NALCN: variants seen among roughly 807,000 people sequenced by gnomAD.
The protein encoded by NALCN is sodium leak channel NALCN.
In NALCN, 111 loss-of-function variants were observed where a neutral mutation model predicts 225.3. The ratio of observed to expected loss-of-function variants is 0.49; its 90% CI spans 0.42 to 0.58. The LOEUF (loss-of-function observed/expected upper bound fraction) is 0.58. NALCN is among the 20% of genes least tolerant of loss of function. NALCN has a pLI of 0.00. For synonymous variants in NALCN, 764 were observed against 769.0 expected (o/e 0.99, Z 0.11); for missense variants, 1,378 against 2,202.4 (o/e 0.63, Z 7.49).
At chr13:101,058,423 G>GTTTTTTTAT in intron 42 of NALCN, 2 of 190,528 alleles carry the variant, frequency 1.0e-5, no homozygotes, top group Non-Finnish European at 2.2e-5. Flanking sequence ...GGGCTGGGCG[G>GTTTTTTTAT]GGGCAGTCTA....
intron 34 of NALCN, among the ~76,000 whole-genome samples, chr13:101,077,286 T>TG (rs960488381): frequency 3.3e-5 from 5 of 152,030 alleles, no homozygotes; most frequent in South Asian, 4.2e-4. Context: ...GTACTTAGAG[T>TG]GGGGGGCTAC....
At chr13:101,295,120 C>G (rs1392504714) in intron 7 of NALCN, among the ~76,000 whole-genome samples, 1 of 152,124 alleles carries the variant, frequency 6.6e-6, no homozygotes, top group African/African-American at 2.4e-5. Flanking sequence ...TTATAAGTTT[C>G]TTAAAAGTTG....
chr13:101,414,742 A>T (rs1212133711), intron 1 of NALCN, among the ~76,000 whole-genome samples: 1 of 152,220 alleles, frequency 6.6e-6, no homozygotes, highest in East Asian at 1.9e-4. Flanking sequence ...ATAAGTGTAC[A>T]ACCACTATTT....
intron 41 of NALCN, among the ~76,000 whole-genome samples, chr13:101,060,638 C>CT (rs1208492226): frequency 6.6e-6 from 1 of 151,938 alleles, no homozygotes; most frequent in Non-Finnish European, 1.5e-5. Flanking sequence ...TTTTTCTCCT[C>CT]TTATTTTATT....
chr13:101,168,895 ACT>A (rs757271234), intron 15 of NALCN, among the ~76,000 whole-genome samples: 2 of 152,034 alleles, frequency 1.3e-5, no homozygotes, highest in Non-Finnish European at 2.9e-5. Context: ...CCTAAAAAAG[ACT>A]CTGCAGTTCC....
In NALCN at chr13:101,378,550, T is replaced by C. The variant is rs942556185; in HGVS notation, c.375+20A>G. ...CATTTTGGAGAATACCTGCTTGTAA[T>C]TTAAAAAATATTTAATTACCTGTAG... On this transcript the variant is annotated intron_variant, in intron 4 of 43. Coordinates refer to ENST00000251127, the MANE Select transcript of NALCN (RefSeq NM_052867.4). The C allele has an allele frequency of 6.3e-7, 1 of 1,580,498 alleles. No individual in the cohort carries two copies. Among genetic ancestry groups the C allele is most frequent in the African/African-American group, 1.4e-5 (1 of 73,874 alleles).
upstream of NALCN, among the ~76,000 whole-genome samples, chr13:101,417,053 G>C (rs1488828750): frequency 6.6e-6 from 1 of 151,956 alleles, no homozygotes; most frequent in South Asian, 2.1e-4. Context: ...ATATGTTGTC[G>C]TGTGGATGAG....
intron 15 of NALCN, among the ~76,000 whole-genome samples, chr13:101,167,089 C>A (rs1163106078): frequency 1.3e-5 from 2 of 152,096 alleles, no homozygotes; most frequent in African/African-American, 4.8e-5. Context: ...TGCCTTTATG[C>A]CAGTATCACA....
At chr13:101,398,024 G>T (rs1291534318) in intron 2 of NALCN, among the ~76,000 whole-genome samples, 8 of 152,128 alleles carry the variant, frequency 5.3e-5, no homozygotes, top group Non-Finnish European at 7.3e-5. Flanking sequence ...GGAGTAGGAG[G>T]CTGCTGATGG....
intron 12 of NALCN, among the ~76,000 whole-genome samples, chr13:101,230,996 GC>G (rs2041324773): frequency 6.6e-6 from 1 of 151,976 alleles, no homozygotes; most frequent in Non-Finnish European, 1.5e-5. Context: ...TGTGACAATT[GC>G]CTACAGTATT....
In NALCN at chr13:101,124,662, C is replaced by G; in HGVS notation, c.2138G>C (p.Ser713Thr). 6.2e-7 allele frequency: 1 copy of G among 1,613,954 alleles called. No individual in the cohort carries two copies. Among genetic ancestry groups the G allele is most frequent in the Non-Finnish European group, 8.5e-7 (1 of 1,179,976 alleles). ...TTCCAGAAGGTTCCTTGCCCTGATG[C>G]TGAAAACAGACTTGCGAAGCTGAAA... is the stretch of plus-strand genomic sequence containing the variant. ...IDQKLRKSVF[S>T]IRARNLLEKE... Residue 713 changes from serine to threonine, a missense_variant, in exon 18 of 44, where the codon AGC becomes ACC. Around this residue, in one of 19 missense-constraint regions of NALCN, gnomAD observed 100 missense variants for 89.4 expected, o/e 1.12. Coordinates refer to ENST00000251127, the MANE Select transcript of NALCN (RefSeq NM_052867.4).
intron 11 of NALCN, among the ~76,000 whole-genome samples, chr13:101,240,785 T>C (rs1268967111): frequency 6.6e-6 from 1 of 152,192 alleles, no homozygotes; most frequent in Non-Finnish European, 1.5e-5. Context: ...TCAAAGGATT[T>C]AACCTTTAAT....
At chr13:101,339,073 C>G (rs906153833) in intron 7 of NALCN, among the ~76,000 whole-genome samples, 33 of 152,130 alleles carry the variant, frequency 2.2e-4, no homozygotes, top group Non-Finnish European at 3.7e-4. Context: ...GCTTTTATGT[C>G]TCATATGTTT....
chr13:101,193,677 C>A (rs2039775314), intron 13 of NALCN, among the ~76,000 whole-genome samples: 1 of 152,176 alleles, frequency 6.6e-6, no homozygotes, highest in African/African-American at 2.4e-5. Context: ...CAGCCACTCT[C>A]TGCAAAAATT....
chr13:101,064,173 T>C (rs2032181216), intron 40 of NALCN, among the ~76,000 whole-genome samples: 1 of 152,180 alleles, frequency 6.6e-6, no homozygotes, highest in South Asian at 2.1e-4. Flanking sequence ...CATCTGAAAA[T>C]ATCTATGATT....
At chr13:101,210,990 C>A (rs994138420) in intron 13 of NALCN, among the ~76,000 whole-genome samples, 2 of 152,006 alleles carry the variant, frequency 1.3e-5, no homozygotes, top group African/African-American at 4.8e-5. Context: ...TTTTGTTGTT[C>A]AAAATTCCAC....
chr13:101,082,354 A>G (rs1170431006), intron 33 of NALCN, among the ~76,000 whole-genome samples: 1 of 152,180 alleles, frequency 6.6e-6, no homozygotes, highest in African/African-American at 2.4e-5. Context: ...TCCTTAAGCA[A>G]AAGGCCATAG....
chr13:101,181,416 GT>G (rs879062543), intron 14 of NALCN: 13 of 483,146 alleles, frequency 2.7e-5, no homozygotes, highest in South Asian at 2.0e-4. Flanking sequence ...CTTTTTGTGT[GT>G]GTGTTTTTGT....
intron 11 of NALCN, among the ~76,000 whole-genome samples, chr13:101,256,270 C>T (rs1368203199): frequency 3.3e-5 from 5 of 152,178 alleles, no homozygotes; most frequent in Admixed American, 6.5e-5. Flanking sequence ...CGTCCTTTAA[C>T]CATATAGAGA....
Sources: allele counts gnomAD v4.1 joint callset (sites outside exome capture counted in the v4.1 genomes callset), GRCh38; gene constraint gnomAD v4.1.1; regional missense constraint gnomAD v4.1.1; transcripts MANE v1.5; gene names NCBI Gene and HGNC (gene_info 2026-07-23, HGNC 2026-07-21).